Variants in GRID1 observed in about 807,000 individuals in gnomAD.
GRID1 encodes glutamate ionotropic receptor delta type subunit 1, also known as glutamate receptor ionotropic, delta-1.
In GRID1, 28 loss-of-function variants were observed where a neutral mutation model predicts 98.0. The ratio of observed to expected loss-of-function variants is 0.29; its 90% CI spans 0.21 to 0.39. The LOEUF (loss-of-function observed/expected upper bound fraction) is 0.39, where lower values mean the gene tolerates loss of function less well. Ranked by LOEUF, GRID1 falls within the 10% of genes least tolerant of loss-of-function variation. The pLI, the probability that GRID1 is intolerant of heterozygous loss-of-function variation, is 1.00. For missense variants in GRID1, 1,111 were observed against 1,340.5 expected, an observed-to-expected ratio of 0.83 and a Z score of 2.67; for synonymous variants, 553 against 538.5, an observed-to-expected ratio of 1.03 and a Z score of -0.37.
In GRID1 at chr10:86,269,914, G is replaced by A. The variant is rs1589432794; in HGVS notation, c.236-63266C>T. On this transcript the variant is annotated intron_variant, in intron 2 of 15. Coordinates refer to ENST00000327946, the MANE Select transcript of GRID1 (RefSeq NM_017551.3). ...TGTACTACGGGCACTAAGACCCCCT[G>A]TAGGGAAGGGGTCTACAGGGCTCAC... 2.0e-5 allele frequency among the ~76,000 whole-genome samples: 3 copies of A among 152,150 alleles called. No individual in the cohort carries two copies. In the South Asian group the frequency reaches 6.2e-4, roughly 32 times the overall value.
chr10:86,213,261 T>C (rs1249712558), intron 2 of GRID1, among the ~76,000 whole-genome samples: 1 of 152,072 alleles, frequency 6.6e-6, no homozygotes. Context: ...CGGCAAGCAG[T>C]GCAGGGCCAC....
chr10:86,100,277 G>A (rs1844278333), intron 4 of GRID1, among the ~76,000 whole-genome samples: 1 of 152,130 alleles, frequency 6.6e-6, no homozygotes, highest in Non-Finnish European at 1.5e-5. Context: ...CAATTACCGA[G>A]CACTTCTTGT....
intron 5 of GRID1, among the ~76,000 whole-genome samples, chr10:85,900,631 A>G (rs1164535739): frequency 6.6e-6 from 1 of 152,188 alleles, no homozygotes; most frequent in Non-Finnish European, 1.5e-5. Flanking sequence ...TTGTCTGTCT[A>G]CAGGGAGTTG....
At chr10:86,036,504 G>A (rs538729603) in intron 4 of GRID1, among the ~76,000 whole-genome samples, 1 of 152,212 alleles carries the variant, frequency 6.6e-6, no homozygotes, top group East Asian at 1.9e-4. Flanking sequence ...TGTTCACCTC[G>A]AGCCTGTCAC....
At chr10:85,919,897 AT>A (rs1423424379) in intron 4 of GRID1, among the ~76,000 whole-genome samples, 1 of 151,642 alleles carries the variant, frequency 6.6e-6, no homozygotes, top group Non-Finnish European at 1.5e-5. Context: ...TCCTGTTAGC[AT>A]TTTTTATTAC....
intron 6 of GRID1, among the ~76,000 whole-genome samples, chr10:85,865,927 A>G (rs1843212571): frequency 8.8e-6 from 1 of 113,734 alleles, no homozygotes; most frequent in Non-Finnish European, 1.7e-5. Context: ...ATATATATAT[A>G]TATATATATA....
At chr10:86,180,037 C>T (rs1845632582) in intron 3 of GRID1, among the ~76,000 whole-genome samples, 1 of 152,136 alleles carries the variant, frequency 6.6e-6, no homozygotes, top group Non-Finnish European at 1.5e-5. Flanking sequence ...CTCCATCAAC[C>T]TATGGCAGAA....
chr10:86,209,978 C>T (rs1846084374), intron 2 of GRID1, among the ~76,000 whole-genome samples: 1 of 152,168 alleles, frequency 6.6e-6, no homozygotes, highest in Non-Finnish European at 1.5e-5. Flanking sequence ...CCTGCCCACA[C>T]CCCACAAGCC....
chr10:85,852,082 C>T (rs1282030832), intron 8 of GRID1, among the ~76,000 whole-genome samples: 1 of 152,112 alleles, frequency 6.6e-6, no homozygotes, highest in Non-Finnish European at 1.5e-5. Context: ...CTTTAATGCA[C>T]CCTAGGCCTG....
rs775358531 is a variant in GRID1, at chr10:86,366,347, C to A, written c.46G>T (p.Val16Leu). The stretch of plus-strand genomic sequence containing the variant: ...ATGATGGAGTCGGCCCGCACCGACA[C>A]GCACTGGCATATCCAGGGGAGAAGC... ...LWLLPWICQC[V>L]SVRADSIIHI... is the part of the protein sequence containing the mutation. Residue 16 changes from valine (V) to leucine (L), a missense_variant, in exon 1 of 16, where the codon GTG becomes TTG. By Grantham distance (32) the Val-to-Leu change is conservative (BLOSUM62 1). Coordinates refer to ENST00000327946, the MANE Select transcript of GRID1 (RefSeq NM_017551.3). The surrounding 1 kb of genome is among the most constrained non-coding windows in gnomAD (Gnocchi z 4.1). The A allele has an allele frequency of 4.6e-6, 7 of 1,522,152 alleles. No individual in the cohort carries two copies. The highest frequency in any genetic ancestry group is 2.7e-5 in the East Asian group (1 of 37,706). 94.3% of individuals were successfully genotyped at this position (1,522,152 alleles called of 1,614,324 possible).
chr10:86,360,586 T>A (rs1848587338), intron 2 of GRID1, among the ~76,000 whole-genome samples: 1 of 152,168 alleles, frequency 6.6e-6, no homozygotes, highest in Admixed American at 6.5e-5. Flanking sequence ...CTTAAAAAAA[T>A]AATGTAGCTG....
At chr10:86,166,869 C>G (rs1845407069) in intron 3 of GRID1, among the ~76,000 whole-genome samples, 1 of 152,228 alleles carries the variant, frequency 6.6e-6, no homozygotes, top group Non-Finnish European at 1.5e-5. Context: ...ACCTCCCAAA[C>G]AGTTAAGCCA....
chr10:86,204,402 T>G (rs537516031), intron 3 of GRID1, among the ~76,000 whole-genome samples: 8 of 152,332 alleles, frequency 5.3e-5, no homozygotes, highest in African/African-American at 1.9e-4. Context: ...CATGGAGGAC[T>G]AGCCCTCATG....
intron 6 of GRID1, among the ~76,000 whole-genome samples, chr10:85,868,528 C>G (rs768913264): frequency 2.0e-5 from 3 of 152,204 alleles, no homozygotes; most frequent in Non-Finnish European, 4.4e-5. Context: ...CCCCTCCCTG[C>G]TCAGCTGAGC....
chr10:85,721,059 G>A (rs1409766354), intron 12 of GRID1, among the ~76,000 whole-genome samples: 1 of 152,010 alleles, frequency 6.6e-6, no homozygotes, highest in African/African-American at 2.4e-5. Flanking sequence ...TTTATTGAAG[G>A]GGATATATAC....
At chr10:86,099,691 G>C (rs1404912300) in intron 4 of GRID1, among the ~76,000 whole-genome samples, 1 of 152,154 alleles carries the variant, frequency 6.6e-6, no homozygotes, top group Non-Finnish European at 1.5e-5. Context: ...TGGCAGAAGG[G>C]GCCTATGCTT....
chr10:86,160,650 GGAA>G (rs1589392490), intron 3 of GRID1, among the ~76,000 whole-genome samples: 2 of 152,230 alleles, frequency 1.3e-5, no homozygotes, highest in Admixed American at 1.3e-4. Context: ...CAGTGCCATA[GGAA>G]GAAGGCCACA....
At chr10:85,741,948 G>C (rs752990879) in intron 8 of GRID1, among the ~76,000 whole-genome samples, 1 of 152,092 alleles carries the variant, frequency 6.6e-6, no homozygotes, top group Non-Finnish European at 1.5e-5. Flanking sequence ...TCTCATGGTT[G>C]GCTCTTTCTC....
At chr10:86,308,463 C>T (rs936170715) in intron 2 of GRID1, among the ~76,000 whole-genome samples, 1 of 152,224 alleles carries the variant, frequency 6.6e-6, no homozygotes, top group Admixed American at 6.5e-5. Context: ...GAAATACAAA[C>T]ACCAAACACC....
Sources: gnomAD v4.1 joint callset for allele counts (sites outside exome capture counted in the v4.1 genomes callset) on GRCh38, gnomAD v4.1.1 for gene constraint, Gnocchi (gnomAD v3.1) non-coding constraint, MANE v1.5 for transcripts, NCBI Gene and HGNC (gene_info 2026-07-23, HGNC 2026-07-21) for gene names.